Variants in ZDHHC14 observed in about 807,000 individuals in gnomAD.
ZDHHC14 encodes the protein zDHHC palmitoyltransferase 14.
Under a neutral mutation model 47.7 loss-of-function variants are expected in ZDHHC14, and 16 were observed. The ratio of observed to expected loss-of-function variants is 0.34; its 90% CI spans 0.23 to 0.51. The LOEUF is 0.51. Among genes scored for constraint, ZDHHC14 ranks in the 20% least tolerant of loss-of-function variants. The probability of loss-of-function intolerance (pLI) is 0.97; values close to 1 mark genes in which losing one functional copy is unlikely to be tolerated. For missense variants in ZDHHC14, 515 were observed against 662.5 expected (o/e 0.78, Z 2.44); for synonymous variants, 293 against 278.9 (o/e 1.05, Z -0.50).
intron 1 of ZDHHC14, among the ~76,000 whole-genome samples, chr6:157,413,646 T>G (rs893806742): frequency 6.6e-6 from 1 of 151,834 alleles, no homozygotes; most frequent in Non-Finnish European, 1.5e-5. Context: ...AGAGACTTAG[T>G]GGGCTGGATG....
At chr6:157,512,881 A>G (rs1780544231) in intron 1 of ZDHHC14, among the ~76,000 whole-genome samples, 1 of 152,216 alleles carries the variant, frequency 6.6e-6, no homozygotes, top group South Asian at 2.1e-4. Context: ...TTCCAGCTGC[A>G]TATGTTTCCT....
chr6:157,458,849 A>ATTTTTTTTTGTTTTTTTTTTTTTTTTT (rs1778992467), intron 1 of ZDHHC14, among the ~76,000 whole-genome samples: 1 of 81,226 alleles, frequency 1.2e-5, no homozygotes, highest in Admixed American at 1.7e-4. Context: ...ATGTGGGTGG[A>ATTTTTTTTTGTTTTTTTTTTTTTTTTT]TTTTTTTTTT....
chr6:157,532,240 T>C (rs1382073695), intron 1 of ZDHHC14, among the ~76,000 whole-genome samples: 1 of 152,284 alleles, frequency 6.6e-6, no homozygotes, highest in Non-Finnish European at 1.5e-5. Flanking sequence ...GCAGGGCATT[T>C]TCCTTCCAAC....
intron 1 of ZDHHC14, among the ~76,000 whole-genome samples, chr6:157,403,725 C>T (rs1467187104): frequency 6.6e-6 from 1 of 152,258 alleles, no homozygotes; most frequent in African/African-American, 2.4e-5. Context: ...GAGCAGAGCT[C>T]ATTAGCTTAG....
chr6:157,548,104 C>CAAAAA (rs559113398), intron 2 of ZDHHC14, among the ~76,000 whole-genome samples: 1 of 143,696 alleles, frequency 7.0e-6, no homozygotes. Flanking sequence ...CACCCCTCCC[C>CAAAAA]AAAAAAAAAA....
chr6:157,457,592 C>G (rs1220360906), intron 1 of ZDHHC14, among the ~76,000 whole-genome samples: 6 of 152,146 alleles, frequency 3.9e-5, no homozygotes, highest in Non-Finnish European at 7.3e-5. Context: ...TATACCACTG[C>G]TTTTTTCATA....
chr6:157,632,607 GA>G (rs937666093), intron 4 of ZDHHC14: 2 of 575,350 alleles, frequency 3.5e-6, no homozygotes, highest in Middle Eastern at 9.0e-4. Context: ...TGCTTTTATT[GA>G]AAAAATACCC....
chr6:157,445,144 A>ACACACTCT (rs376300431), intron 1 of ZDHHC14, among the ~76,000 whole-genome samples: 2 of 146,838 alleles, frequency 1.4e-5, no homozygotes, highest in African/African-American at 5.2e-5. Flanking sequence ...ACACACACAC[A>ACACACTCT]CTCTTCATAT....
chr6:157,384,940 T>A (rs770151672), intron 1 of ZDHHC14, among the ~76,000 whole-genome samples: 4 of 152,322 alleles, frequency 2.6e-5, no homozygotes, highest in South Asian at 2.1e-4. Context: ...ATAGCTTTTT[T>A]AAAAATTTAT....
At chr6:157,537,708 A>T (rs1781591951) in intron 1 of ZDHHC14, among the ~76,000 whole-genome samples, 1 of 152,194 alleles carries the variant, frequency 6.6e-6, no homozygotes, top group Non-Finnish European at 1.5e-5. Context: ...TATCAGATCC[A>T]GGCCCTTGGG....
intron 1 of ZDHHC14, among the ~76,000 whole-genome samples, chr6:157,453,774 T>C (rs1325209545): frequency 7.6e-6 from 1 of 132,008 alleles, no homozygotes; most frequent in African/African-American, 3.5e-5. Flanking sequence ...TCTAAGGCCA[T>C]TGTTTTTTGT....
chr6:157,408,752 G>T (rs1449924387), intron 1 of ZDHHC14, among the ~76,000 whole-genome samples: 1 of 152,158 alleles, frequency 6.6e-6, no homozygotes, highest in African/African-American at 2.4e-5. Flanking sequence ...ACTGTGAATA[G>T]TGCTGCATTG....
intron 2 of ZDHHC14, among the ~76,000 whole-genome samples, chr6:157,553,951 G>A (rs1452028344): frequency 1.3e-5 from 2 of 152,108 alleles, no homozygotes; most frequent in Non-Finnish European, 2.9e-5. Context: ...CACCATGTTT[G>A]GTAAGGAAGA....
At chr6:157,563,943 C>T (rs1582948028) in intron 2 of ZDHHC14, among the ~76,000 whole-genome samples, 1 of 152,338 alleles carries the variant, frequency 6.6e-6, no homozygotes, top group African/African-American at 2.4e-5. Flanking sequence ...TGAGTGGCTC[C>T]CTAAGGGGGA....
At chr6:157,536,786 CCTGTCTGT>C (rs201446674) in intron 1 of ZDHHC14, among the ~76,000 whole-genome samples, 1 of 146,980 alleles carries the variant, frequency 6.8e-6, no homozygotes, top group Non-Finnish European at 1.5e-5. Context: ...TATCTGTCTG[CCTGTCTGT>C]CTGTCTATCT....
intron 1 of ZDHHC14, among the ~76,000 whole-genome samples, chr6:157,511,404 G>A (rs1041091157): frequency 2.0e-5 from 3 of 150,034 alleles, no homozygotes; most frequent in South Asian, 2.1e-4. Context: ...TTTTTGAGAC[G>A]GAGTCTTGCT....
At chr6:157,643,607 C>T (rs1383576220) in intron 5 of ZDHHC14, among the ~76,000 whole-genome samples, 1 of 140,418 alleles carries the variant, frequency 7.1e-6, no homozygotes, top group Non-Finnish European at 1.5e-5. Context: ...GAGATCATGC[C>T]ACTGTACTCC....
intron 1 of ZDHHC14, among the ~76,000 whole-genome samples, chr6:157,524,238 C>G (rs926734841): frequency 6.6e-6 from 1 of 151,844 alleles, no homozygotes; most frequent in African/African-American, 2.4e-5. Flanking sequence ...CAAGAATTCT[C>G]CTGCCTCAGT....
intron 2 of ZDHHC14, among the ~76,000 whole-genome samples, chr6:157,589,488 G>A (rs889513035): frequency 1.3e-5 from 2 of 152,116 alleles, no homozygotes; most frequent in African/African-American, 4.8e-5. Context: ...GGACCCAGTG[G>A]GAGGTAATTG....
Sources: allele counts gnomAD v4.1 joint callset (sites outside exome capture counted in the v4.1 genomes callset), GRCh38; gene constraint gnomAD v4.1.1; transcripts MANE v1.5; gene names NCBI Gene and HGNC (gene_info 2026-07-23, HGNC 2026-07-21).